Variants in PDLIM5 observed in about 807,000 individuals in gnomAD.
The protein encoded by PDLIM5 is PDZ and LIM domain 5.
A neutral mutation model predicts 64.2 loss-of-function variants in PDLIM5; 34 were observed. The ratio of observed to expected loss-of-function variants is 0.53; its 90% CI spans 0.40 to 0.71. The LOEUF is 0.71. Among genes scored for constraint, PDLIM5 ranks in the 30% least tolerant of loss-of-function variants. PDLIM5 has a pLI of 0.00. For missense variants in PDLIM5, 683 were observed against 733.6 expected, an observed-to-expected ratio of 0.93 and a Z score of 0.80; for synonymous variants, 253 against 269.1, an observed-to-expected ratio of 0.94 and a Z score of 0.59.
At chr4:94,509,319 G>A (rs774454198) in intron 2 of PDLIM5, among the ~76,000 whole-genome samples, 6 of 152,076 alleles carry the variant, frequency 3.9e-5, no homozygotes, top group Non-Finnish European at 8.8e-5. Flanking sequence ...GGCATTTTCA[G>A]TACCCTTTCT....
In PDLIM5 at chr4:94,665,795, G is replaced by A. The variant is rs1743053795; in HGVS notation, c.*1728G>A. Reference sequence around the variant, plus strand: ...AATAATAAGTGAACCAATTTCAAATGTGATCACAAAGTTTGGAAAGCTTTT... The same window carrying A: ...AATAATAAGTGAACCAATTTCAAATATGATCACAAAGTTTGGAAAGCTTTT... On this transcript the variant is annotated 3_prime_UTR_variant, in exon 13 of 13. Transcript: ENST00000317968. 4.7e-6 allele frequency: 6 copies of A among 1,281,188 alleles called. No individual in the cohort carries two copies. Among genetic ancestry groups the A allele is most frequent in the Non-Finnish European group, 5.9e-6 (6 of 1,017,140 alleles). 79.4% of individuals were successfully genotyped at this position (1,281,188 alleles called of 1,614,324 possible).
intron 8 of PDLIM5, among the ~76,000 whole-genome samples, chr4:94,622,843 G>A (rs1208275593): frequency 1.3e-5 from 2 of 151,980 alleles, no homozygotes; most frequent in Admixed American, 1.3e-4. Context: ...GCTAATTTTT[G>A]TATTTTTAAT....
chr4:94,522,880 C>T (rs1019293499), intron 2 of PDLIM5, among the ~76,000 whole-genome samples: 1 of 152,134 alleles, frequency 6.6e-6, no homozygotes, highest in Non-Finnish European at 1.5e-5. Flanking sequence ...TTACTGAATG[C>T]TGAGCTGTCA....
At chr4:94,454,325 G>GTT (rs775434642) in intron 1 of PDLIM5, among the ~76,000 whole-genome samples, 8 of 121,900 alleles carry the variant, frequency 6.6e-5, no homozygotes, top group East Asian at 2.5e-4. Flanking sequence ...GAAACTCGAA[G>GTT]TTTTTTTTTT....
intron 5 of PDLIM5, chr4:94,584,330 T>C (rs898529021): frequency 3.9e-5 from 6 of 152,366 alleles, no homozygotes; most frequent in African/African-American, 1.4e-4. Flanking sequence ...TGATGCTCAA[T>C]ATATCATAGT....
At chr4:94,659,464 G>A (rs1036612023) in intron 11 of PDLIM5, among the ~76,000 whole-genome samples, 1 of 150,386 alleles carries the variant, frequency 6.6e-6, no homozygotes, top group East Asian at 2.0e-4. Context: ...CAAACAGCAG[G>A]CATAGAGCAG....
chr4:94,592,707 A>G (rs558678996), intron 7 of PDLIM5, among the ~76,000 whole-genome samples: 84 of 152,076 alleles, frequency 5.5e-4, no homozygotes, highest in African/African-American at 1.9e-3. Flanking sequence ...GGCTCACTGC[A>G]CCTCGACCTC....
At chr4:94,543,996 C>T (rs1000460935) in intron 3 of PDLIM5, among the ~76,000 whole-genome samples, 2 of 152,092 alleles carry the variant, frequency 1.3e-5, no homozygotes, top group African/African-American at 4.8e-5. Flanking sequence ...TTTAAGGAAC[C>T]TCCACAGTTT....
chr4:94,622,676 T>C (rs926266400), intron 8 of PDLIM5, among the ~76,000 whole-genome samples: 6 of 150,208 alleles, frequency 4.0e-5, no homozygotes, highest in Non-Finnish European at 8.9e-5. Context: ...TTCTCACCTT[T>C]CCCTCCTTCC....
chr4:94,666,155 T>A lies in PDLIM5; in HGVS notation c.*2088T>A. On this transcript the variant is annotated 3_prime_UTR_variant, in exon 13 of 13. Transcript: ENST00000317968. ...CACTTACGACATCACTTCCATTGTG[T>A]GCATGTTTGTTATAGAGGAGGTTTT... The A allele has an allele frequency of 2.9e-6, 2 of 699,138 alleles. No homozygotes were observed. The highest frequency in any genetic ancestry group is 4.6e-6 in the Non-Finnish European group (2 of 434,976). The allele number at this position is 699,138 out of a possible 1,614,324, so 43.3% of individuals were successfully genotyped here.
rs1183240030 is a variant in PDLIM5, at chr4:94,663,927, C to T, written c.1702-51C>T. 8 of 1,550,826 alleles carry T rather than the reference C, an allele frequency of 5.2e-6. No individual in the cohort carries two copies. The Admixed American group carries it at 1.1e-4, about 21-fold the overall frequency. The stretch of plus-strand genomic sequence containing the variant: ...CCTTCTCCAGCATACTGGGTAAAAT[C>T]CTCTTAATATCCTCTTAAATAATAT... On this transcript the variant is annotated intron_variant, in intron 12 of 12. Coordinates refer to ENST00000317968, the MANE Select transcript of PDLIM5 (RefSeq NM_006457.5).
intron 3 of PDLIM5, among the ~76,000 whole-genome samples, chr4:94,545,363 A>G (rs566749546): frequency 6.6e-6 from 1 of 152,276 alleles, no homozygotes; most frequent in South Asian, 2.1e-4. Flanking sequence ...AGAAGCCCAA[A>G]TAATATTTGC....
At chr4:94,661,616 GA>G (rs2110507363) in intron 11 of PDLIM5, among the ~76,000 whole-genome samples, 1 of 152,294 alleles carries the variant, frequency 6.6e-6, no homozygotes, top group African/African-American at 2.4e-5. Context: ...AGTCTAGCTA[GA>G]AACTCAGTCA....
rs1339211972 is a variant in PDLIM5, at chr4:94,630,368, G to GAT, written c.1109-9899_1109-9898dup. Among the ~76,000 whole-genome samples, 6 of 151,944 alleles carry GAT rather than the reference G, an allele frequency of 3.9e-5. No individual in the cohort carries two copies. In the South Asian group the frequency reaches 6.2e-4, roughly 16 times the overall value. ...GGGGGAGTATTAGTATCCATTGATT[G>GAT]ATATATATATGTATATATTTTTTTA... On this transcript the variant is annotated intron_variant, in intron 8 of 12. Coordinates refer to ENST00000317968, the MANE Select transcript of PDLIM5 (RefSeq NM_006457.5).
At chr4:94,550,370 TG>T (rs1732704989) in intron 3 of PDLIM5, among the ~76,000 whole-genome samples, 1 of 152,144 alleles carries the variant, frequency 6.6e-6, no homozygotes, top group Non-Finnish European at 1.5e-5. Flanking sequence ...AAAGAGTAAG[TG>T]AATAACAGAA....
At chr4:94,570,843 G>A (rs1032268441) in intron 3 of PDLIM5, among the ~76,000 whole-genome samples, 1 of 152,104 alleles carries the variant, frequency 6.6e-6, no homozygotes, top group Admixed American at 6.5e-5. Flanking sequence ...AGAAGATGAG[G>A]CAAACACCCT....
In PDLIM5 at chr4:94,640,422, A is replaced by T. The variant is rs1165577166; in HGVS notation, c.1255A>T (p.Met419Leu). The T allele has an allele frequency of 5.6e-6, 9 of 1,604,200 alleles. No individual in the cohort carries two copies. The African/African-American group carries it at 8.1e-5, about 14-fold the overall frequency. ...CATTCCAGCAGGGAAACGAACTCCGATGTGCGCCCATTGTAACCAGGTCAT... is the reference window on the plus strand; with the variant it reads ...CATTCCAGCAGGGAAACGAACTCCGTTGTGCGCCCATTGTAACCAGGTCAT... ...EHIPAGKRTP[M>L]CAHCNQVIRG... Residue 419 changes from methionine to leucine, a missense_variant, in exon 9 of 13, where the codon ATG becomes TTG. Transcript: ENST00000317968.
At chr4:94,541,307 C>T (rs1407423064) in intron 3 of PDLIM5, among the ~76,000 whole-genome samples, 2 of 152,236 alleles carry the variant, frequency 1.3e-5, no homozygotes, top group Non-Finnish European at 2.9e-5. Flanking sequence ...AAAGGCCATT[C>T]CTCTTTGGCT....
intron 2 of PDLIM5, among the ~76,000 whole-genome samples, chr4:94,502,997 C>A (rs193275135): frequency 1.1e-3 from 164 of 152,130 alleles, no homozygotes; most frequent in Middle Eastern, 6.8e-3. Context: ...TTTTGCAGGG[C>A]GAGCTTTGGT....
Sources: gnomAD v4.1 joint callset for allele counts (sites outside exome capture counted in the v4.1 genomes callset) on GRCh38, gnomAD v4.1.1 for gene constraint, MANE v1.5 for transcripts, NCBI Gene and HGNC (gene_info 2026-07-23, HGNC 2026-07-21) for gene names.